The following GALNT3 variants were observed in gnomAD, a reference collection of about 807,000 sequenced individuals.
GALNT3 encodes the protein GalNAc transferase 3.
In GALNT3, 51 loss-of-function variants were observed where a neutral mutation model predicts 69.8. That is an observed-to-expected ratio of 0.73 (90% CI 0.58 to 0.92). The LOEUF is 0.92. GALNT3 is among the 40% of genes least tolerant of loss of function. GALNT3 has a pLI of 0.00. For missense variants in GALNT3, 711 were observed against 760.0 expected, an observed-to-expected ratio of 0.94 and a Z score of 0.76; for synonymous variants, 265 against 248.5, an observed-to-expected ratio of 1.07 and a Z score of -0.63.
In GALNT3 at chr2:165,761,851, T is replaced by C. The variant is rs751057875; in HGVS notation, c.838+54A>G. The stretch of plus-strand genomic sequence containing the variant: ...AGAAAAGACTTCCTTACCTTTTAAA[T>C]TAGAGGGAGAGGGAGGGAAAATGTT... On this transcript the variant is annotated intron_variant, in intron 4 of 10. Transcript: ENST00000392701. The C allele has an allele frequency of 6.3e-6, 10 of 1,576,292 alleles. No individual in the cohort carries two copies. The South Asian group carries it at 1.0e-4, about 16-fold the overall frequency.
rs1237338234 is a variant in GALNT3, at chr2:165,747,646, A to G, written c.*1135T>C. ...ACAAAATTTTCTAAATATTGAACAC[A>G]GGAATTTTGCTATTCCTCATTTTTT... On this transcript the variant is annotated 3_prime_UTR_variant, in exon 11 of 11. Coordinates refer to ENST00000392701, the MANE Select transcript of GALNT3 (RefSeq NM_004482.4). 2.0e-5 allele frequency: 3 copies of G among 153,010 alleles called. No individual in the cohort carries two copies. 9.5% of individuals were successfully genotyped at this position (153,010 alleles called of 1,614,324 possible).
At chr2:165,771,805 T>C (rs1039859313) in intron 1 of GALNT3, 1 of 152,312 alleles carries the variant, frequency 6.6e-6, no homozygotes, top group African/African-American at 2.4e-5. Context: ...GACACCTTCT[T>C]TAACTTCTCT....
At chr2:165,779,889 T>G (rs1400884160) in intron 1 of GALNT3, among the ~76,000 whole-genome samples, 1 of 152,222 alleles carries the variant, frequency 6.6e-6, no homozygotes, top group East Asian at 1.9e-4. Flanking sequence ...TTAAGCATTC[T>G]AGGAGTCCAC....
chr2:165,763,003 G>T (rs1440385875), intron 3 of GALNT3, among the ~76,000 whole-genome samples: 2 of 145,510 alleles, frequency 1.4e-5, no homozygotes, highest in Non-Finnish European at 3.0e-5. Context: ...GTTTCATCAT[G>T]TTGCCCAGGC....
chr2:165,761,845 T>C (rs1244199865), intron 4 of GALNT3, 60 bp downstream of exon 4: 1 of 1,571,296 alleles, frequency 6.4e-7, no homozygotes, highest in South Asian at 1.1e-5. Flanking sequence ...TTCCTTACCT[T>C]TTAAATTAGA....
chr2:165,772,409 A>AC (rs1459357721), intron 1 of GALNT3, among the ~76,000 whole-genome samples: 2 of 151,812 alleles, frequency 1.3e-5, no homozygotes, highest in African/African-American at 4.8e-5. Flanking sequence ...ACATAGCAAG[A>AC]CCCCATCCTA....
At chr2:165,755,415 C>T (rs535643898) in intron 7 of GALNT3, among the ~76,000 whole-genome samples, 2 of 152,252 alleles carry the variant, frequency 1.3e-5, no homozygotes, top group South Asian at 2.1e-4. Flanking sequence ...CAACTTTATA[C>T]CTAAAAATGA....
At chr2:165,761,116 T>TAAA (rs35674334) in intron 4 of GALNT3, among the ~76,000 whole-genome samples, 1 of 147,766 alleles carries the variant, frequency 6.8e-6, no homozygotes, top group African/African-American at 2.5e-5. Context: ...TCTGCAAATT[T>TAAA]AAAAAAAAAA....
intron 3 of GALNT3, among the ~76,000 whole-genome samples, chr2:165,764,512 T>G (rs186855862): frequency 3.0e-3 from 450 of 152,336 alleles, no homozygotes; most frequent in African/African-American, 0.01. Context: ...ATTCCCATTT[T>G]GCTGATAAAT....
intron 4 of GALNT3, among the ~76,000 whole-genome samples, chr2:165,761,127 A>AC (rs1553492700): frequency 4.6e-5 from 6 of 129,946 alleles, no homozygotes; most frequent in Non-Finnish European, 8.1e-5. Context: ...AAAAAAAAAA[A>AC]CACACACACA....
In GALNT3 at chr2:165,770,538, T is replaced by C; in HGVS notation, c.163A>G (p.Asn55Asp). 2 of 1,614,102 alleles carry C rather than the reference T, an allele frequency of 1.2e-6. No individual in the cohort carries two copies. The highest frequency in any genetic ancestry group is 2.2e-5 in the East Asian group (1 of 44,880). Residue 55 changes from asparagine (N) to aspartate (D), a missense_variant, in exon 2 of 11, where the codon AAC becomes GAC. Asn to Asp is a conservative substitution (Grantham distance 23, BLOSUM62 1). Transcript: ENST00000392701. ...AACATCTTGTTTTTGTTTTTCATGT[T>C]CCTTTCCATCCTTGATTCCTCTTTG... is the stretch of plus-strand genomic sequence containing the variant. ...YSKEESRMER[N>D]MKNKNKMLDL...
intron 3 of GALNT3, among the ~76,000 whole-genome samples, chr2:165,763,458 G>A (rs192219860): frequency 1.3e-3 from 191 of 152,260 alleles, no homozygotes; most frequent in African/African-American, 4.3e-3. Flanking sequence ...TTGTCTCAGA[G>A]TAATAGATTA....
intron 1 of GALNT3, among the ~76,000 whole-genome samples, chr2:165,791,866 C>T (rs1683360244): frequency 6.6e-6 from 1 of 151,958 alleles, no homozygotes; most frequent in Admixed American, 6.6e-5. Flanking sequence ...GTAGTTTCCA[C>T]GAAGTCAGGC....
chr2:165,770,074 G>A, intron 2 of GALNT3, 112 bp downstream of exon 2: 1 of 1,169,610 alleles, frequency 8.5e-7, no homozygotes, highest in Admixed American at 1.9e-5. Context: ...AACAGTATTT[G>A]CTGATTTTCT....
intron 1 of GALNT3, 108 bp from the exon 2 acceptor site, chr2:165,770,916 T>C (rs1688742014): frequency 2.3e-6 from 1 of 442,604 alleles, no homozygotes; most frequent in South Asian, 5.1e-5. Context: ...TGTACTCTTA[T>C]GGTTAATGAG....
At chr2:165,781,378 T>C (rs1341415795) in intron 1 of GALNT3, among the ~76,000 whole-genome samples, 1 of 152,086 alleles carries the variant, frequency 6.6e-6, no homozygotes, top group African/African-American at 2.4e-5. Context: ...GCGAATTGCT[T>C]GAGCCCAGGA....
chr2:165,756,765 T>A (rs535232374), intron 7 of GALNT3, among the ~76,000 whole-genome samples: 3 of 152,302 alleles, frequency 2.0e-5, no homozygotes, highest in African/African-American at 7.2e-5. Flanking sequence ...GTAAAAACAG[T>A]TCTACTTAAT....
intron 4 of GALNT3, among the ~76,000 whole-genome samples, chr2:165,760,612 G>A (rs1239569160): frequency 6.6e-6 from 1 of 152,118 alleles, no homozygotes; most frequent in African/African-American, 2.4e-5. Context: ...CACCTCTCTA[G>A]CATTACCTTT....
intron 1 of GALNT3, among the ~76,000 whole-genome samples, chr2:165,788,507 A>G (rs554627741): frequency 0.015 from 1,730 of 114,466 alleles, 11 homozygotes; most frequent in South Asian, 0.025. Flanking sequence ...GTGTGTGTGT[A>G]TACAGACAAG....
Sources: allele counts gnomAD v4.1 joint callset (sites outside exome capture counted in the v4.1 genomes callset), GRCh38; gene constraint gnomAD v4.1.1; transcripts MANE v1.5; gene names NCBI Gene and HGNC (gene_info 2026-07-23, HGNC 2026-07-21).